RABL3: variants seen among roughly 807,000 people sequenced by gnomAD.
The protein encoded by RABL3 is RAB, member of RAS oncogene family like 3.
A neutral mutation model predicts 31.8 loss-of-function variants in RABL3; 31 were observed. That is an observed-to-expected ratio of 0.97 (90% CI 0.73 to 1.31). RABL3 has a LOEUF of 1.31. Among genes scored for constraint, RABL3 ranks in the 40% most tolerant of loss-of-function variants. The pLI is 0.00. For missense variants in RABL3, 263 were observed against 279.6 expected, an observed-to-expected ratio of 0.94 and a Z score of 0.42; for synonymous variants, 97 against 99.9, an observed-to-expected ratio of 0.97 and a Z score of 0.18.
intron 2 of RABL3, 152 bp downstream of exon 2, chr3:120,730,544 A>G (rs1708870277): frequency 5.3e-6 from 3 of 565,388 alleles, no homozygotes; most frequent in Non-Finnish European, 9.4e-6. Context: ...GGACATGTAA[A>G]GCAACTGGCA....
chr3:120,725,721 C>T (rs536224984), intron 2 of RABL3, among the ~76,000 whole-genome samples: 197 of 152,280 alleles, frequency 1.3e-3, no homozygotes, highest in Non-Finnish European at 2.0e-3. Flanking sequence ...ACCACATGTT[C>T]TCACTCATAG....
chr3:120,715,402 G>A (rs573111227), intron 2 of RABL3, among the ~76,000 whole-genome samples: 3 of 152,244 alleles, frequency 2.0e-5, no homozygotes, highest in South Asian at 2.1e-4. Context: ...GCCAGGCATG[G>A]TGGCACGCAC....
intron 5 of RABL3, 112 bp downstream of exon 5, chr3:120,698,311 T>C: frequency 9.8e-7 from 1 of 1,025,142 alleles, no homozygotes; most frequent in South Asian, 1.6e-5. Flanking sequence ...AGAATCCAAA[T>C]AGCCTGATTT....
intron 1 of RABL3, among the ~76,000 whole-genome samples, chr3:120,742,044 C>T (rs1224189781): frequency 6.6e-6 from 1 of 152,146 alleles, no homozygotes; most frequent in Non-Finnish European, 1.5e-5. Flanking sequence ...TTTCTCAGTG[C>T]ACGTTTCTCA....
chr3:120,736,271 T>C (rs1185072438), intron 1 of RABL3, among the ~76,000 whole-genome samples: 1 of 152,234 alleles, frequency 6.6e-6, no homozygotes, highest in Non-Finnish European at 1.5e-5. Context: ...GCTGTTCTTG[T>C]TGAATTGATC....
At chr3:120,730,667 T>TG (rs756433180) in intron 2 of RABL3, 29 bp downstream of exon 2, 1 of 1,493,132 alleles carries the variant, frequency 6.7e-7, no homozygotes, top group South Asian at 1.1e-5. Flanking sequence ...AGTACATTAT[T>TG]GAAAAACTAA....
chr3:120,724,561 C>A (rs1455347766), intron 2 of RABL3, among the ~76,000 whole-genome samples: 1 of 152,190 alleles, frequency 6.6e-6, no homozygotes, highest in African/African-American at 2.4e-5. Context: ...TACTACAAGG[C>A]TACAGTAACC....
chr3:120,732,635 A>T (rs1243716820), intron 1 of RABL3, among the ~76,000 whole-genome samples: 1 of 152,152 alleles, frequency 6.6e-6, no homozygotes, highest in Non-Finnish European at 1.5e-5. Flanking sequence ...ACATATGTAT[A>T]CATGCACCAT....
intron 1 of RABL3, among the ~76,000 whole-genome samples, chr3:120,732,102 T>C (rs1040165687): frequency 1.3e-5 from 2 of 152,176 alleles, no homozygotes; most frequent in African/African-American, 4.8e-5. Context: ...TGAAGGTTTA[T>C]TTAATTCCAC....
intron 1 of RABL3, 41 bp downstream of exon 1, chr3:120,742,421 C>T (rs765251314): frequency 1.2e-6 from 2 of 1,603,260 alleles, no homozygotes; most frequent in East Asian, 4.5e-5. Flanking sequence ...CTGGGTAACT[C>T]AAAAGTGTCT....
chr3:120,715,902 G>A (rs1326061719), intron 2 of RABL3, among the ~76,000 whole-genome samples: 1 of 152,072 alleles, frequency 6.6e-6, no homozygotes, highest in African/African-American at 2.4e-5. Context: ...TTGCTTCCAC[G>A]CTAAATGAAT....
chr3:120,703,767 A>C (rs1024142742), intron 4 of RABL3, among the ~76,000 whole-genome samples: 2 of 152,166 alleles, frequency 1.3e-5, no homozygotes, highest in African/African-American at 4.8e-5. Flanking sequence ...ACAATAAACA[A>C]ATACTATAAA....
intron 2 of RABL3, among the ~76,000 whole-genome samples, chr3:120,727,219 C>T (rs1033555785): frequency 2.6e-5 from 4 of 151,998 alleles, no homozygotes; most frequent in Non-Finnish European, 5.9e-5. Context: ...ATCAACAAGG[C>T]AGAAACTGGT....
At chr3:120,723,499 A>G (rs1018558293) in intron 2 of RABL3, among the ~76,000 whole-genome samples, 3 of 152,226 alleles carry the variant, frequency 2.0e-5, no homozygotes, top group African/African-American at 7.2e-5. Flanking sequence ...CAACAAAAAA[A>G]GAGAATTTTT....
rs562179302 is a variant in RABL3 at position 120,719,032 on chromosome 3, T to G, written c.139-9123A>C. 2.6e-5 allele frequency among the ~76,000 whole-genome samples: 4 copies of G among 152,332 alleles called. No individual in the cohort carries two copies. In the South Asian group the frequency reaches 8.3e-4, roughly 32 times the overall value. On this transcript the variant is annotated intron_variant, in intron 2 of 7. Transcript: ENST00000273375. The stretch of plus-strand genomic sequence containing the variant: ...TCACACTTACTGTTGGAGATTATAA[T>G]ACTTATTCCTTAGCAATTGATGAAA...
intron 3 of RABL3, among the ~76,000 whole-genome samples, chr3:120,707,908 T>A (rs557950909): frequency 8.5e-5 from 13 of 152,132 alleles, no homozygotes; most frequent in Admixed American, 7.9e-4. Flanking sequence ...GGGGCTGAGA[T>A]GAAAGGAGTC....
intron 5 of RABL3, among the ~76,000 whole-genome samples, chr3:120,695,878 A>T (rs773855208): frequency 1.3e-5 from 2 of 152,182 alleles, no homozygotes; most frequent in Non-Finnish European, 2.9e-5. Context: ...CAAAACCTTA[A>T]TTCTATGGTT....
intron 1 of RABL3, among the ~76,000 whole-genome samples, chr3:120,734,533 A>G (rs1049369279): frequency 6.6e-6 from 1 of 152,082 alleles, no homozygotes; most frequent in Non-Finnish European, 1.5e-5. Context: ...AATACCCTTT[A>G]TTTCCTTCTC....
intron 1 of RABL3, among the ~76,000 whole-genome samples, chr3:120,737,914 A>C (rs951188266): frequency 2.0e-5 from 3 of 152,214 alleles, no homozygotes; most frequent in Admixed American, 2.0e-4. Context: ...GTACTGGGCC[A>C]TGTGAGGTGT....
Sources: allele counts gnomAD v4.1 joint callset (sites outside exome capture counted in the v4.1 genomes callset), GRCh38; gene constraint gnomAD v4.1.1; transcripts MANE v1.5; gene names NCBI Gene and HGNC (gene_info 2026-07-23, HGNC 2026-07-21).